Variants in EIF4G3 observed in about 807,000 individuals in gnomAD.
The protein encoded by EIF4G3 is eukaryotic translation initiation factor 4 gamma 3, also known as eIF-4-gamma 3.
EIF4G3 carries 34 observed loss-of-function variants against 186.4 expected under a neutral mutation model. The ratio of observed to expected loss-of-function variants is 0.18; its 90% CI spans 0.14 to 0.24. The LOEUF (loss-of-function observed/expected upper bound fraction) is 0.24. Among genes scored for constraint, EIF4G3 ranks in the 10% least tolerant of loss-of-function variants. The probability of loss-of-function intolerance (pLI) is 1.00; values close to 1 mark genes in which losing one functional copy is unlikely to be tolerated. For synonymous variants in EIF4G3, 673 were observed against 679.5 expected (o/e 0.99, Z 0.15); for missense variants, 1,536 against 1,948.5 (o/e 0.79, Z 3.99).
intron 32 of EIF4G3, 145 bp from the exon 33 acceptor site, chr1:20,825,343 G>A (rs1445182186): frequency 6.5e-6 from 4 of 618,632 alleles, no homozygotes; most frequent in South Asian, 2.3e-5. Flanking sequence ...GGGCATGGTG[G>A]TGCACACCTG....
At chr1:21,094,978 C>G (rs1172231179) in intron 2 of EIF4G3, among the ~76,000 whole-genome samples, 1 of 152,068 alleles carries the variant, frequency 6.6e-6, no homozygotes, top group African/African-American at 2.4e-5. Context: ...GCTCTCCTTA[C>G]CTTTTACCAT....
chr1:20,844,777 A>G (rs2070154675), intron 29 of EIF4G3, among the ~76,000 whole-genome samples: 1 of 152,112 alleles, frequency 6.6e-6, no homozygotes. Flanking sequence ...GGTTGCAGTG[A>G]GCCAAGATTG....
intron 23 of EIF4G3, among the ~76,000 whole-genome samples, chr1:20,861,207 G>A (rs1217516892): frequency 1.3e-5 from 2 of 152,136 alleles, no homozygotes; most frequent in Non-Finnish European, 2.9e-5. Context: ...ATGCTATCTG[G>A]CCTGGGTGGA....
chr1:21,088,800 G>C lies in EIF4G3; in HGVS notation c.-196+338C>G, dbSNP rs371857498. Among the ~76,000 whole-genome samples the C allele has an allele frequency of 3.2e-4, 49 of 152,160 alleles. No individual in the cohort carries two copies. The South Asian group carries it at 9.6e-3, about 30-fold the overall frequency. ...GAATTGCTTGAACCCAGGAGGCGGA[G>C]GTTGCAATGAGCCAAGATCACACCA... On this transcript the variant is annotated intron_variant, in intron 3 of 36. Coordinates refer to ENST00000602326, the MANE Select transcript of EIF4G3 (RefSeq NM_001391906.1).
chr1:20,826,558 C>T (rs1250478936), intron 32 of EIF4G3, among the ~76,000 whole-genome samples: 3 of 121,372 alleles, frequency 2.5e-5, no homozygotes, highest in Non-Finnish European at 3.2e-5. Context: ...GGCATGATCT[C>T]GGCTAACTGC....
chr1:21,024,693 C>A (rs1226045968), intron 4 of EIF4G3, among the ~76,000 whole-genome samples: 3 of 150,120 alleles, frequency 2.0e-5, no homozygotes, highest in Non-Finnish European at 4.4e-5. Flanking sequence ...CTGAAGGCAG[C>A]ATGCTCGTTA....
chr1:20,847,262 G>A (rs868769833), intron 29 of EIF4G3, among the ~76,000 whole-genome samples: 6 of 152,220 alleles, frequency 3.9e-5, no homozygotes, highest in East Asian at 1.9e-4. Flanking sequence ...AGCACCCAAC[G>A]CAGAGTAAGT....
At chr1:20,850,648 A>C (rs1431317703) in intron 28 of EIF4G3, among the ~76,000 whole-genome samples, 1 of 152,188 alleles carries the variant, frequency 6.6e-6, no homozygotes, top group Non-Finnish European at 1.5e-5. Context: ...TAATGTTCTA[A>C]GTGTTTACGT....
intron 14 of EIF4G3, among the ~76,000 whole-genome samples, chr1:20,933,374 C>T (rs563309140): frequency 2.2e-4 from 33 of 152,068 alleles, no homozygotes; most frequent in African/African-American, 7.0e-4. Context: ...ACCAGGGCAC[C>T]GGCCAGGCGT....
At chr1:21,118,675 A>C (rs1226067645) in intron 2 of EIF4G3, among the ~76,000 whole-genome samples, 1 of 151,910 alleles carries the variant, frequency 6.6e-6, no homozygotes, top group Non-Finnish European at 1.5e-5. Context: ...AATCCCAGCT[A>C]CTTGGGAGGC....
intron 3 of EIF4G3, among the ~76,000 whole-genome samples, chr1:21,053,191 C>A (rs200277823): frequency 6.6e-6 from 1 of 151,898 alleles, no homozygotes; most frequent in Non-Finnish European, 1.5e-5. Context: ...CTCTGCCCTG[C>A]CACCCCGTCT....
intron 2 of EIF4G3, among the ~76,000 whole-genome samples, chr1:21,155,942 C>T (rs2097651522): frequency 1.3e-5 from 2 of 151,962 alleles, no homozygotes; most frequent in Admixed American, 1.3e-4. Context: ...GCCTGGCCAA[C>T]ATGGTGAAAC....
chr1:20,849,544 C>A lies in EIF4G3; in HGVS notation c.3773-14G>T. On this transcript the variant is annotated splice_polypyrimidine_tract_variant and intron_variant, in intron 28 of 36. Transcript: ENST00000602326. ...TTTCTGGTTTTGCTATTAGTGAGGC[C>A]CCCCAAAAAAAGTAAAAATAATAAA... is the stretch of plus-strand genomic sequence containing the variant. 1 of 1,365,030 alleles carries A rather than the reference C, an allele frequency of 7.3e-7. No homozygotes were observed. 84.6% of individuals were successfully genotyped at this position (1,365,030 alleles called of 1,614,324 possible).
At chr1:20,987,746 A>T (rs1015803083) in intron 7 of EIF4G3, among the ~76,000 whole-genome samples, 12 of 152,176 alleles carry the variant, frequency 7.9e-5, no homozygotes, top group Non-Finnish European at 1.3e-4. Flanking sequence ...CAGACACAAT[A>T]ATATTGAAGT....
At chr1:20,939,751 T>G (rs946302532) in intron 14 of EIF4G3, among the ~76,000 whole-genome samples, 1 of 152,034 alleles carries the variant, frequency 6.6e-6, no homozygotes, top group African/African-American at 2.4e-5. Context: ...CAAATGAAAA[T>G]GAACATTGAA....
rs967951990 is a variant in EIF4G3 at position 20,901,224 on chromosome 1, G to A, written c.1753-1281C>T. ...GAAACAATTTATTTTATAAAGCATGGCAGAAAGTAGGTATCATTTAAACAT... is the reference window on the plus strand; with the variant it reads ...GAAACAATTTATTTTATAAAGCATGACAGAAAGTAGGTATCATTTAAACAT... On this transcript the variant is annotated intron_variant, in intron 15 of 36. Transcript: ENST00000602326. Among the ~76,000 whole-genome samples the A allele has an allele frequency of 2.0e-5, 3 of 152,110 alleles. No homozygotes were observed. The South Asian group carries it at 6.2e-4, about 32-fold the overall frequency.
intron 4 of EIF4G3, among the ~76,000 whole-genome samples, chr1:21,022,040 A>T (rs1465703414): frequency 6.6e-6 from 1 of 152,206 alleles, no homozygotes; most frequent in African/African-American, 2.4e-5. Flanking sequence ...AGGTTCCTAT[A>T]TGAAAATTTT....
chr1:20,842,699 T>A (rs1055977430), intron 29 of EIF4G3, among the ~76,000 whole-genome samples: 10 of 152,108 alleles, frequency 6.6e-5, no homozygotes, highest in African/African-American at 2.4e-4. Context: ...TTTAACCAAC[T>A]AATTCCCTTT....
intron 20 of EIF4G3, among the ~76,000 whole-genome samples, chr1:20,874,260 C>T (rs1457191802): frequency 6.6e-6 from 1 of 152,062 alleles, no homozygotes; most frequent in Non-Finnish European, 1.5e-5. Context: ...CTTGAGGAAT[C>T]GTCATACTGT....
Sources: gnomAD v4.1 joint callset for allele counts (sites outside exome capture counted in the v4.1 genomes callset) on GRCh38, gnomAD v4.1.1 for gene constraint, MANE v1.5 for transcripts, NCBI Gene and HGNC (gene_info 2026-07-23, HGNC 2026-07-21) for gene names.